Variants in NAV3 observed in about 807,000 individuals in gnomAD.
NAV3 encodes neuron navigator 3, also known as pore membrane and/or filament interacting like protein 1.
Under a neutral mutation model 244.7 loss-of-function variants are expected in NAV3, and 87 were observed. The observed-to-expected ratio is 0.36, with a 90% CI of 0.30 to 0.42. The LOEUF is 0.42. Among genes scored for constraint, NAV3 ranks in the 20% least tolerant of loss-of-function variants. NAV3 has a pLI of 1.00. For synonymous variants in NAV3, 1,126 were observed against 1,042.2 expected (o/e 1.08, Z -1.55); for missense variants, 2,663 against 2,893.3 (o/e 0.92, Z 1.83).
chr12:77,637,648 A>G (rs963358952), intron 2 of NAV3, among the ~76,000 whole-genome samples: 5 of 152,196 alleles, frequency 3.3e-5, no homozygotes, highest in African/African-American at 1.2e-4. Context: ...TCCTATTTAA[A>G]TAGCTAGCAA....
chr12:77,766,746 T>TTTTTTTTG (rs1869786869), intron 2 of NAV3, among the ~76,000 whole-genome samples: 3 of 27,636 alleles, frequency 1.1e-4, no homozygotes, highest in Non-Finnish European at 2.2e-4. Flanking sequence ...TTTTTTTTTT[T>TTTTTTTTG]TTTTTTTTTT....
At chr12:78,055,595 TA>T (rs1883374298) in intron 11 of NAV3, among the ~76,000 whole-genome samples, 1 of 152,324 alleles carries the variant, frequency 6.6e-6, no homozygotes, top group African/African-American at 2.4e-5. Context: ...ATTCAGAGAA[TA>T]AGATGGATGG....
At chr12:78,077,107 G>A (rs986067315) in intron 12 of NAV3, among the ~76,000 whole-genome samples, 1 of 151,764 alleles carries the variant, frequency 6.6e-6, no homozygotes, top group African/African-American at 2.4e-5. Flanking sequence ...TTATATGTAT[G>A]GACCTTTCCA....
At chr12:77,908,458 G>A (rs1677903) in intron 1 of NAV3, among the ~76,000 whole-genome samples, 16,734 of 151,920 alleles carry the variant, frequency 0.11, 1,052 homozygotes, top group South Asian at 0.2. Flanking sequence ...ACATAAATGT[G>A]CTTTCTAGAA....
At chr12:77,612,889 C>T (rs1219966441) in intron 2 of NAV3, among the ~76,000 whole-genome samples, 1 of 152,038 alleles carries the variant, frequency 6.6e-6, no homozygotes, top group African/African-American at 2.4e-5. Context: ...GTTCTCATGA[C>T]AGTGAGTGTG....
At chr12:77,680,978 G>A (rs1251292933) in intron 2 of NAV3, among the ~76,000 whole-genome samples, 1 of 152,124 alleles carries the variant, frequency 6.6e-6, no homozygotes, top group Admixed American at 6.5e-5. Context: ...CCGATTTTGG[G>A]GGGAGGGGCG....
At chr12:77,833,211 T>A (rs968897664) in intron 1 of NAV3, among the ~76,000 whole-genome samples, 1 of 151,976 alleles carries the variant, frequency 6.6e-6, no homozygotes, top group Non-Finnish European at 1.5e-5. Context: ...CTCCACTAAG[T>A]TGAAAACATA....
At chr12:78,026,349 A>G (rs1878052232) in intron 9 of NAV3, among the ~76,000 whole-genome samples, 1 of 152,122 alleles carries the variant, frequency 6.6e-6, no homozygotes, top group South Asian at 2.1e-4. Context: ...AACCTAGCAA[A>G]TTGTACCCCT....
intron 1 of NAV3, among the ~76,000 whole-genome samples, chr12:77,905,156 G>A (rs1324684119): frequency 6.6e-6 from 1 of 151,928 alleles, no homozygotes; most frequent in Non-Finnish European, 1.5e-5. Flanking sequence ...CAGGGATCTG[G>A]GGCTTTTCTA....
intron 2 of NAV3, among the ~76,000 whole-genome samples, chr12:77,740,831 G>C (rs1868314376): frequency 6.6e-6 from 1 of 152,064 alleles, no homozygotes; most frequent in African/African-American, 2.4e-5. Flanking sequence ...TTCTACTTGG[G>C]TGATGAATTA....
At chr12:77,662,158 G>A (rs1233982484) in intron 2 of NAV3, among the ~76,000 whole-genome samples, 3 of 151,810 alleles carry the variant, frequency 2.0e-5, no homozygotes, top group African/African-American at 7.3e-5. Flanking sequence ...TAACGATATT[G>A]AGTCTTGAAT....
intron 2 of NAV3, among the ~76,000 whole-genome samples, chr12:77,790,525 C>T (rs1871133801): frequency 6.6e-6 from 1 of 152,116 alleles, no homozygotes; most frequent in Non-Finnish European, 1.5e-5. Context: ...TGATCCTTGT[C>T]CAGCTTGTTG....
intron 2 of NAV3, among the ~76,000 whole-genome samples, chr12:77,702,547 T>C (rs1875609507): frequency 6.6e-6 from 1 of 152,042 alleles, no homozygotes; most frequent in Non-Finnish European, 1.5e-5. Context: ...CTTTCTTTCA[T>C]AAAAACAGAT....
At chr12:77,578,333 C>T (rs1349356753) in intron 2 of NAV3, among the ~76,000 whole-genome samples, 1 of 147,850 alleles carries the variant, frequency 6.8e-6, no homozygotes, top group Admixed American at 6.6e-5. Context: ...CCTTGCCCTA[C>T]AGACAGTTTC....
chr12:78,166,527 G>A (rs1957787909), intron 23 of NAV3, among the ~76,000 whole-genome samples: 1 of 151,490 alleles, frequency 6.6e-6, no homozygotes, highest in Admixed American at 6.6e-5. Context: ...TCATAGATAG[G>A]ATTCTCCCAA....
chr12:77,755,581 T>TCCTTTCCTTTCCTTCCCTCCCTC lies in NAV3; in HGVS notation c.72+183318_72+183319insTTCCTTTCCTTCCCTCCCTCCCT, dbSNP rs1565800350. ...TCCTTTCCTTTCCTTTCCTTTCCTT[T>TCCTTTCCTTTCCTTCCCTCCCTC]CCTCCCTCCCTCCCTCCCTCCCTCC... On this transcript the variant is annotated intron_variant, in intron 2 of 8. Transcript: ENST00000550042. Among the ~76,000 whole-genome samples the TCCTTTCCTTTCCTTCCCTCCCTC allele has an allele frequency of 2.4e-4, 2 of 8,410 alleles. 1 individual carries two copies. The highest frequency in any genetic ancestry group is 1.9e-3 in the African/African-American group (2 of 1,042). 5.5% of individuals were successfully genotyped at this position (8,410 alleles called of 152,430 possible). A position where few individuals can be genotyped will look rare whatever the true frequency, so the allele number is the denominator to read the frequency against.
chr12:78,176,370 T>C, intron 25 of NAV3, 69 bp from the exon 26 acceptor site: 2 of 1,462,494 alleles, frequency 1.4e-6, no homozygotes, highest in East Asian at 2.3e-5. Flanking sequence ...ATACAGGTAA[T>C]ATTTTAAAAT....
chr12:78,197,256 C>A lies in NAV3; in HGVS notation c.6301C>A (p.Gln2101Lys), dbSNP rs1959189644. The A allele has an allele frequency of 1.3e-6, 2 of 1,541,384 alleles. No individual in the cohort carries two copies. The highest frequency in any genetic ancestry group is 1.4e-5 in the African/African-American group (1 of 72,326). Residue 2101 changes from glutamine (Q) to lysine (K), a missense_variant, in exon 35 of 40, where the codon CAA becomes AAA. By Grantham distance (53) the Gln-to-Lys change is moderately conservative. Coordinates refer to ENST00000397909, the MANE Select transcript of NAV3 (RefSeq NM_001024383.2). ...VDHKSSKELQ[Q>K]YLANLAEQCS... is the part of the protein sequence containing the mutation. ...CTTCATTTTTTAAAAGGAATTGCAA[C>A]AATATCTAGCTAACCTGGCTGAACA...
chr12:77,784,930 G>T (rs1870834979), intron 2 of NAV3, among the ~76,000 whole-genome samples: 2 of 152,266 alleles, frequency 1.3e-5, no homozygotes, highest in South Asian at 4.1e-4. Flanking sequence ...TTAGAATTTT[G>T]TGTTTTCTAA....
Sources: gnomAD v4.1 joint callset for allele counts (sites outside exome capture counted in the v4.1 genomes callset) on GRCh38, gnomAD v4.1.1 for gene constraint, MANE v1.5 for transcripts, NCBI Gene and HGNC (gene_info 2026-07-23, HGNC 2026-07-21) for gene names.